The following DOCK3 variants were observed in gnomAD, a reference collection of about 807,000 sequenced individuals.
The protein encoded by DOCK3 is dedicator of cytokinesis 3.
A neutral mutation model predicts 265.6 loss-of-function variants in DOCK3; 60 were observed. The observed-to-expected ratio is 0.23, with a 90% CI of 0.18 to 0.28. The LOEUF (loss-of-function observed/expected upper bound fraction) is 0.28, where lower values mean the gene tolerates loss of function less well. DOCK3 is among the 10% of genes least tolerant of loss of function. The pLI is 1.00. For synonymous variants in DOCK3, 881 were observed against 938.0 expected (o/e 0.94, Z 1.11); for missense variants, 1,981 against 2,594.3 (o/e 0.76, Z 5.14).
At chr3:51,127,716 A>G (rs1303854199) in intron 9 of DOCK3, among the ~76,000 whole-genome samples, 1 of 152,180 alleles carries the variant, frequency 6.6e-6, no homozygotes, top group Admixed American at 6.5e-5. Flanking sequence ...ATTGATGACT[A>G]CCTTCTTCTA....
At chr3:51,116,261 C>T (rs1216044086) in intron 9 of DOCK3, among the ~76,000 whole-genome samples, 1 of 151,882 alleles carries the variant, frequency 6.6e-6, no homozygotes, top group Non-Finnish European at 1.5e-5. Flanking sequence ...ACCATCCTGG[C>T]TAACACAGTG....
chr3:51,202,001 T>C (rs2108021099), intron 12 of DOCK3, among the ~76,000 whole-genome samples: 1 of 152,228 alleles, frequency 6.6e-6, no homozygotes, highest in South Asian at 2.1e-4. Context: ...CATACCAGAA[T>C]CTCTGGGACA....
chr3:50,843,248 T>C (rs2045925800), intron 3 of DOCK3, among the ~76,000 whole-genome samples: 1 of 152,204 alleles, frequency 6.6e-6, no homozygotes, highest in Non-Finnish European at 1.5e-5. Flanking sequence ...ATGTGTGAGG[T>C]TACCTGTGGC....
At chr3:50,688,988 C>T (rs1025652240) in intron 1 of DOCK3, among the ~76,000 whole-genome samples, 15 of 152,200 alleles carry the variant, frequency 9.9e-5, no homozygotes, top group Admixed American at 8.5e-4. Context: ...TAAAATAATG[C>T]GTGGGCTATT....
At chr3:51,046,853 A>G (rs549643580) in intron 5 of DOCK3, among the ~76,000 whole-genome samples, 3 of 152,204 alleles carry the variant, frequency 2.0e-5, no homozygotes, top group Non-Finnish European at 4.4e-5. Context: ...GAAGTTTGAA[A>G]TCACTTTAAA....
chr3:51,188,588 C>G (rs999835729), intron 12 of DOCK3, among the ~76,000 whole-genome samples: 7 of 152,168 alleles, frequency 4.6e-5, no homozygotes, highest in African/African-American at 1.7e-4. Flanking sequence ...AGCTTCCTCC[C>G]TGCTACTCAC....
At chr3:51,325,119 G>GAGTGAAC (rs1295861773) in intron 32 of DOCK3, among the ~76,000 whole-genome samples, 1 of 152,042 alleles carries the variant, frequency 6.6e-6, no homozygotes, top group East Asian at 1.9e-4. Context: ...ACTATCATCA[G>GAGTGAAC]AGTGAACAGA....
intron 5 of DOCK3, among the ~76,000 whole-genome samples, chr3:50,957,921 AT>A (rs1199217707): frequency 6.6e-6 from 1 of 151,942 alleles, no homozygotes; most frequent in Non-Finnish European, 1.5e-5. Context: ...AGTTTATTCT[AT>A]TTTTTTCTGT....
At chr3:50,793,911 A>G (rs1339534708) in intron 2 of DOCK3, among the ~76,000 whole-genome samples, 1 of 152,178 alleles carries the variant, frequency 6.6e-6, no homozygotes, top group Non-Finnish European at 1.5e-5. Context: ...GCTGTGTCCC[A>G]GAGATTTTGG....
At chr3:51,150,966 G>A (rs1003579816) in intron 10 of DOCK3, among the ~76,000 whole-genome samples, 6 of 152,136 alleles carry the variant, frequency 3.9e-5, no homozygotes, top group Non-Finnish European at 7.4e-5. Flanking sequence ...TATTGTGTGG[G>A]AGTCTAAGTC....
intron 5 of DOCK3, among the ~76,000 whole-genome samples, chr3:51,022,814 C>G (rs1434087426): frequency 6.6e-6 from 1 of 152,116 alleles, no homozygotes; most frequent in Non-Finnish European, 1.5e-5. Context: ...TACTGTTTCA[C>G]TTCTTAGATT....
chr3:50,854,648 G>C (rs2046503674), intron 3 of DOCK3, among the ~76,000 whole-genome samples: 1 of 116,282 alleles, frequency 8.6e-6, no homozygotes. Context: ...GGCTGGTCTT[G>C]AGCTCCTGAC....
rs996789837 is a variant in DOCK3 at position 50,861,501 on chromosome 3, T to C, written c.162+19786T>C. On this transcript the variant is annotated intron_variant, in intron 3 of 52. Transcript: ENST00000266037. The stretch of plus-strand genomic sequence containing the variant: ...GTTTCTTTTTTCTCTGCCTCAGTGA[T>C]GTGTCTAGTTCTGTCTGTGGGTATT... Among the ~76,000 whole-genome samples the C allele has an allele frequency of 4.6e-5, 7 of 152,198 alleles. 1 individual carries two copies.
At chr3:51,358,108 A>G (rs776216082) in intron 46 of DOCK3, 31 bp downstream of exon 46, 9 of 1,603,184 alleles carry the variant, frequency 5.6e-6, no homozygotes, top group Non-Finnish European at 7.7e-6. Context: ...CCCCTGCTGC[A>G]GTAGAACCAG....
intron 9 of DOCK3, among the ~76,000 whole-genome samples, chr3:51,105,639 G>A (rs915020468): frequency 6.6e-6 from 1 of 152,176 alleles, no homozygotes; most frequent in African/African-American, 2.4e-5. Flanking sequence ...AAAGCATTAT[G>A]TTGTGTGAAA....
At chr3:50,727,514 A>G (rs1276598279) in intron 1 of DOCK3, among the ~76,000 whole-genome samples, 1 of 152,162 alleles carries the variant, frequency 6.6e-6, no homozygotes, top group African/African-American at 2.4e-5. Flanking sequence ...CTTGGCCAAC[A>G]TGGTGAAACC....
chr3:51,048,849 C>A (rs936936628), intron 5 of DOCK3, among the ~76,000 whole-genome samples: 1 of 148,842 alleles, frequency 6.7e-6, no homozygotes. Context: ...AGCGACAGAG[C>A]GAGACTCCAT....
chr3:50,858,393 G>A (rs752155654), intron 3 of DOCK3, among the ~76,000 whole-genome samples: 12 of 151,102 alleles, frequency 7.9e-5, no homozygotes, highest in Non-Finnish European at 8.8e-5. Flanking sequence ...AAACCTGCAC[G>A]TTGTGCACAT....
Position 51,178,672 on chromosome 3 carries a change from T to A in DOCK3, c.1037+17970T>A, listed in dbSNP as rs1382503230. 2.0e-5 allele frequency among the ~76,000 whole-genome samples: 3 copies of A among 152,326 alleles called. No individual in the cohort carries two copies. The East Asian group carries it at 5.8e-4, about 29-fold the overall frequency. Reference sequence around the variant, plus strand: ...GGATAGAAGAGTCATTTCTTGCCAGTCCATGGTGGAATTTATAGTGAAGAT... The same window carrying A: ...GGATAGAAGAGTCATTTCTTGCCAGACCATGGTGGAATTTATAGTGAAGAT... On this transcript the variant is annotated intron_variant, in intron 12 of 52. Coordinates refer to ENST00000266037, the MANE Select transcript of DOCK3 (RefSeq NM_004947.5).
Sources: allele counts gnomAD v4.1 joint callset (sites outside exome capture counted in the v4.1 genomes callset), GRCh38; gene constraint gnomAD v4.1.1; transcripts MANE v1.5; gene names NCBI Gene and HGNC (gene_info 2026-07-23, HGNC 2026-07-21).